The following PSEN2 variants were observed in gnomAD, a reference collection of about 807,000 sequenced individuals.
The protein encoded by PSEN2 is presenilin-2.
A neutral mutation model predicts 49.1 loss-of-function variants in PSEN2; 32 were observed. The ratio of observed to expected loss-of-function variants is 0.65; its 90% confidence interval spans 0.49 to 0.88. The LOEUF (loss-of-function observed/expected upper bound fraction) is 0.88, where lower values mean the gene tolerates loss of function less well. PSEN2 is among the 40% of genes least tolerant of loss of function. The pLI, the probability that PSEN2 is intolerant of heterozygous loss-of-function variation, is 0.00. For missense variants in PSEN2, 522 were observed against 586.9 expected (o/e 0.89, Z 1.14); for synonymous variants, 255 against 244.0 (o/e 1.05, Z -0.42).
chr1:226,874,451 G>A (rs1660499809), intron 2 of PSEN2, among the ~76,000 whole-genome samples: 2 of 152,136 alleles, frequency 1.3e-5, no homozygotes, highest in South Asian at 4.1e-4. Context: ...CTCTGACATT[G>A]TCCTATGGAT....
intron 5 of PSEN2, 34 bp from the exon 6 acceptor site, chr1:226,885,504 G>T: frequency 6.2e-7 from 1 of 1,611,446 alleles, no homozygotes; most frequent in Non-Finnish European, 8.5e-7. Flanking sequence ...AGCAGTCAGG[G>T]CCGGGAGCAT....
intron 5 of PSEN2, 125 bp downstream of exon 5, chr1:226,884,044 A>T (rs1661185156): frequency 3.6e-6 from 3 of 837,896 alleles, no homozygotes; most frequent in Admixed American, 2.2e-5. Flanking sequence ...AAGAGCAGGG[A>T]TGAAGAACCG....
At chr1:226,898,287 G>A (rs938084919), downstream of PSEN2, 1 of 152,192 alleles carries the variant, frequency 6.6e-6, no homozygotes, top group Non-Finnish European at 1.5e-5. Flanking sequence ...GTGTTCCATT[G>A]TATGAGTTCT....
At chr1:226,889,110 C>A in intron 8 of PSEN2, 61 bp downstream of exon 8, 1 of 1,464,656 alleles carries the variant, frequency 6.8e-7, no homozygotes, top group Non-Finnish European at 9.4e-7. Context: ...AAATCGTCCC[C>A]AGTGCTGCAC....
chr1:226,877,630 T>C (rs574135266), intron 3 of PSEN2, among the ~76,000 whole-genome samples: 2 of 152,210 alleles, frequency 1.3e-5, no homozygotes, highest in Admixed American at 1.3e-4. Context: ...TATTCCTTAA[T>C]GACAGCTCTC....
intron 5 of PSEN2, among the ~76,000 whole-genome samples, chr1:226,884,966 T>C (rs1038030643): frequency 6.6e-6 from 1 of 152,018 alleles, no homozygotes; most frequent in Non-Finnish European, 1.5e-5. Context: ...AGAAAGCTTA[T>C]AGTGTGTGGG....
At chr1:226,877,957 C>A (rs1660739787) in intron 3 of PSEN2, among the ~76,000 whole-genome samples, 1 of 152,224 alleles carries the variant, frequency 6.6e-6, no homozygotes, top group African/African-American at 2.4e-5. Context: ...CTGTCTAGCG[C>A]AGTGTCACAT....
intron 10 of PSEN2, 40 bp downstream of exon 10, chr1:226,891,401 G>T: frequency 6.5e-7 from 1 of 1,546,494 alleles, no homozygotes; most frequent in Middle Eastern, 1.7e-4. Context: ...CATCACTGGG[G>T]GGCAGCTCCC....
At position 226,885,661 on chromosome 1, in the gene PSEN2, C is replaced by T. The variant is rs985104147; in HGVS notation, c.480C>T (p.Tyr160=). The change falls in exon 6 of 13, where the codon TAC becomes TAT. Residue 160 remains tyrosine, a synonymous_variant. Coordinates refer to ENST00000366783, the MANE Select transcript of PSEN2 (RefSeq NM_000447.3). ...TGACCATCTTCTTGGTGGTGCTCTA[C>T]AAGTACCGCTGCTACAAGGTGAGGC... ...VVMTIFLVVL[Y]KYRCYKFIHG... 1 of 1,609,316 alleles carries T rather than the reference C, an allele frequency of 6.2e-7. No homozygotes were observed. Among genetic ancestry groups the T allele is most frequent in the African/African-American group, 1.3e-5 (1 of 74,870 alleles).
intron 6 of PSEN2, among the ~76,000 whole-genome samples, chr1:226,885,968 C>CAAG (rs3831497): frequency 0.57 from 85,635 of 151,292 alleles, 24,453 homozygotes; most frequent in Middle Eastern, 0.67. Context: ...CTCCTGGGCT[C>CAAG]AAGTTCTCCC....
At position 226,888,004 on chromosome 1, in the gene PSEN2, G is replaced by T. The variant is rs940669143; in HGVS notation, c.499-87G>T. On this transcript the variant is annotated intron_variant, in intron 6 of 12. Coordinates refer to ENST00000366783, the MANE Select transcript of PSEN2 (RefSeq NM_000447.3). Reference sequence around the variant, plus strand: ...AAGTAGCCTAATGAAGAGCATTCAGGCTTGGGTATCAGTCTCAGGATCCTG... The same window carrying T: ...AAGTAGCCTAATGAAGAGCATTCAGTCTTGGGTATCAGTCTCAGGATCCTG... 4.5e-6 allele frequency: 5 copies of T among 1,102,542 alleles called. No homozygotes were observed. The Admixed American group carries it at 6.8e-5, about 15-fold the overall frequency. 68.3% of individuals were successfully genotyped at this position (1,102,542 alleles called of 1,614,324 possible).
In PSEN2 at chr1:226,890,103, G is replaced by A; in HGVS notation, c.856G>A (p.Glu286Lys). The change falls in exon 9 of 13, where the codon GAG (glutamate) becomes AAG (lysine). Residue 286 changes from glutamate (E) to lysine (K), a missense_variant. Physicochemically the swap from Glu to Lys is moderately conservative, Grantham distance 56 (BLOSUM62 1). Coordinates refer to ENST00000366783, the MANE Select transcript of PSEN2 (RefSeq NM_000447.3). The stretch of plus-strand genomic sequence containing the variant: ...GGTAGAAACTGCCCAGGAGAGAAAT[G>A]AGCCCATATTCCCTGCCCTGATATA... ...MLVETAQERN[E>K]PIFPALIYSS... 1 of 1,614,042 alleles carries A rather than the reference G, an allele frequency of 6.2e-7. No homozygotes were observed.
intron 3 of PSEN2, among the ~76,000 whole-genome samples, chr1:226,877,699 G>C (rs558754943): frequency 2.0e-5 from 3 of 152,224 alleles, no homozygotes; most frequent in Non-Finnish European, 4.4e-5. Context: ...CTTCAGGGGA[G>C]GCCTTGGAGG....
intron 2 of PSEN2, among the ~76,000 whole-genome samples, chr1:226,872,355 T>C (rs1413213682): frequency 1.3e-5 from 2 of 152,244 alleles, no homozygotes; most frequent in African/African-American, 2.4e-5. Context: ...AGAATTTCAA[T>C]GACACTGAAA....
intron 8 of PSEN2, 91 bp downstream of exon 8, chr1:226,889,140 G>T (rs1436974142): frequency 2.5e-6 from 3 of 1,224,134 alleles, no homozygotes; most frequent in Non-Finnish European, 3.5e-6. Flanking sequence ...AGGTGCTGAA[G>T]GGCTTGCATC....
intron 4 of PSEN2, 126 bp downstream of exon 4, chr1:226,882,174 G>A (rs989715788): frequency 1.5e-5 from 20 of 1,346,562 alleles, no homozygotes; most frequent in Admixed American, 1.3e-4. Context: ...AGGATTGGCC[G>A]AAAAGGTGGG....
chr1:226,892,002 T>A (rs1040287058), intron 11 of PSEN2, among the ~76,000 whole-genome samples, 158 bp downstream of exon 11: 1 of 152,178 alleles, frequency 6.6e-6, no homozygotes, highest in Non-Finnish European at 1.5e-5. Flanking sequence ...CCTGCAGCGC[T>A]GGGGTCTTCT....
chr1:226,891,397 TG>T lies in PSEN2; in HGVS notation c.970+42del, dbSNP rs761540700. 1.9e-5 allele frequency: 30 copies of T among 1,563,270 alleles called. No homozygotes were observed. In the African/African-American group the frequency reaches 2.6e-4, roughly 13 times the overall value. ...TGGGGAGCTAACAGCCTCTCATCAC[TG>T]GGGGGCAGCTCCCTACCTGCACCCA... On this transcript the variant is annotated intron_variant, in intron 10 of 12. Transcript: ENST00000366783.
At chr1:226,875,221 G>A (rs1053296839) in intron 2 of PSEN2, 144 bp from the exon 3 acceptor site, 1 of 152,286 alleles carries the variant, frequency 6.6e-6, no homozygotes, top group African/African-American at 2.4e-5. Context: ...AGTGGTATGT[G>A]TTACTATATG....
Sources: allele counts gnomAD v4.1 joint callset (sites outside exome capture counted in the v4.1 genomes callset), GRCh38; gene constraint gnomAD v4.1.1; transcripts MANE v1.5; gene names NCBI Gene and HGNC (gene_info 2026-07-23, HGNC 2026-07-21).